Variants in GMDS observed in about 807,000 individuals in gnomAD.
The protein encoded by GMDS is GDP-mannose 4,6 dehydratase.
GMDS carries 20 observed loss-of-function variants against 49.9 expected under a neutral mutation model. The observed-to-expected ratio is 0.40, with a 90% CI of 0.28 to 0.58. The LOEUF (loss-of-function observed/expected upper bound fraction) is 0.58, where lower values mean the gene tolerates loss of function less well. Among genes scored for constraint, GMDS ranks in the 20% least tolerant of loss-of-function variants. The pLI, the probability that GMDS is intolerant of heterozygous loss-of-function variation, is 0.42. For missense variants in GMDS, 362 were observed against 481.4 expected, an observed-to-expected ratio of 0.75 and a Z score of 2.32; for synonymous variants, 177 against 178.6, an observed-to-expected ratio of 0.99 and a Z score of 0.07.
chr6:1,649,805 A>T (rs990389835), intron 9 of GMDS, among the ~76,000 whole-genome samples: 4 of 152,334 alleles, frequency 2.6e-5, no homozygotes, highest in Admixed American at 1.3e-4. Flanking sequence ...CACTTCGAAG[A>T]CACCCCTTAG....
At chr6:2,127,724 G>A (rs982150719) in intron 1 of GMDS, among the ~76,000 whole-genome samples, 4 of 152,212 alleles carry the variant, frequency 2.6e-5, no homozygotes, top group African/African-American at 9.6e-5. Flanking sequence ...CCGCCCCCTC[G>A]TCCTTTCCCC....
chr6:1,645,120 G>A (rs1763447084), intron 9 of GMDS, among the ~76,000 whole-genome samples: 1 of 152,060 alleles, frequency 6.6e-6, no homozygotes. Flanking sequence ...ATTTTTAGTA[G>A]AGACGGCGTT....
chr6:2,135,886 C>T (rs1028309322), intron 1 of GMDS, among the ~76,000 whole-genome samples: 27 of 152,122 alleles, frequency 1.8e-4, no homozygotes, highest in Non-Finnish European at 2.4e-4. Flanking sequence ...CAAAATCCAA[C>T]GCAGTCAATG....
At chr6:2,173,743 G>T (rs1295507323) in intron 1 of GMDS, among the ~76,000 whole-genome samples, 5 of 152,160 alleles carry the variant, frequency 3.3e-5, no homozygotes, top group African/African-American at 1.2e-4. Flanking sequence ...TACTGCAGTG[G>T]TAGCTTTTAT....
intron 9 of GMDS, among the ~76,000 whole-genome samples, chr6:1,713,979 ACTGTACAC>A (rs1384436468): frequency 6.6e-6 from 1 of 152,242 alleles, no homozygotes; most frequent in Non-Finnish European, 1.5e-5. Context: ...AGAAGAAGAC[ACTGTACAC>A]CTTATTAGGA....
At position 1,700,776 on chromosome 6, in the gene GMDS, C is replaced by G. The variant is rs550741105; in HGVS notation, c.987+25640G>C. ...GCGCTGTCCCTCCTCGGGCCCAGCACTGGGACCTGAGGCTGAGCAGTCCAC... is the reference window on the plus strand; with the variant it reads ...GCGCTGTCCCTCCTCGGGCCCAGCAGTGGGACCTGAGGCTGAGCAGTCCAC... On this transcript the variant is annotated intron_variant, in intron 9 of 10. Coordinates refer to ENST00000380815, the MANE Select transcript of GMDS (RefSeq NM_001500.4). 2.6e-5 allele frequency among the ~76,000 whole-genome samples: 4 copies of G among 152,272 alleles called. No homozygotes were observed. The South Asian group carries it at 8.3e-4, about 32-fold the overall frequency.
intron 9 of GMDS, among the ~76,000 whole-genome samples, chr6:1,723,158 T>C (rs1461730431): frequency 6.6e-6 from 1 of 152,172 alleles, no homozygotes; most frequent in Admixed American, 6.5e-5. Context: ...ACTGGTGGCC[T>C]CTTTCAAGCT....
At position 2,000,688 on chromosome 6, in the gene GMDS, G is replaced by T. The variant is rs1305324723; in HGVS notation, c.346-39722C>A. Among the ~76,000 whole-genome samples, 5 of 152,078 alleles carry T rather than the reference G, an allele frequency of 3.3e-5. No homozygotes were observed. The East Asian group carries it at 9.7e-4, about 29-fold the overall frequency. ...TTTTAGTGGTTCTTTGAGAGACAGG[G>T]TCTCGCTCTTTTGCTCAGGTTGAAG... On this transcript the variant is annotated intron_variant, in intron 4 of 10. Transcript: ENST00000380815.
At chr6:1,673,824 A>C (rs1439233733) in intron 9 of GMDS, among the ~76,000 whole-genome samples, 1 of 151,976 alleles carries the variant, frequency 6.6e-6, no homozygotes, top group African/African-American at 2.4e-5. Context: ...TCTTTCATTT[A>C]GCGACATACA....
intron 4 of GMDS, among the ~76,000 whole-genome samples, chr6:2,067,572 A>G (rs1309210023): frequency 1.3e-5 from 2 of 152,122 alleles, no homozygotes; most frequent in Non-Finnish European, 2.9e-5. Flanking sequence ...ATAAAAAATG[A>G]TAAAGGGGAT....
At chr6:1,969,786 C>G (rs1405492510) in intron 4 of GMDS, among the ~76,000 whole-genome samples, 1 of 152,172 alleles carries the variant, frequency 6.6e-6, no homozygotes, top group Non-Finnish European at 1.5e-5. Context: ...CCCTGGCGTG[C>G]TTCACCTCGG....
At chr6:2,078,656 T>C (rs1472241228) in intron 4 of GMDS, among the ~76,000 whole-genome samples, 1 of 152,124 alleles carries the variant, frequency 6.6e-6, no homozygotes, top group Non-Finnish European at 1.5e-5. Flanking sequence ...TTTAAAAAAT[T>C]GTTGTTACCT....
At chr6:1,894,192 T>C (rs547947992) in intron 7 of GMDS, among the ~76,000 whole-genome samples, 1 of 152,350 alleles carries the variant, frequency 6.6e-6, no homozygotes, top group African/African-American at 2.4e-5. Context: ...TTGATCAATT[T>C]ATGAGCCTAA....
intron 4 of GMDS, among the ~76,000 whole-genome samples, chr6:2,018,633 T>C (rs1182629967): frequency 1.3e-5 from 2 of 152,212 alleles, no homozygotes; most frequent in Non-Finnish European, 2.9e-5. Flanking sequence ...CTTACCATAA[T>C]GTTTTCAAGG....
At chr6:2,218,859 T>A (rs1242924350) in intron 1 of GMDS, among the ~76,000 whole-genome samples, 2 of 152,184 alleles carry the variant, frequency 1.3e-5, no homozygotes, top group East Asian at 3.9e-4. Context: ...TTATTCAGGG[T>A]CACAAGGTTC....
At chr6:1,757,268 G>A (rs1412151341) in intron 7 of GMDS, among the ~76,000 whole-genome samples, 2 of 152,074 alleles carry the variant, frequency 1.3e-5, no homozygotes, top group Non-Finnish European at 2.9e-5. Flanking sequence ...CTAATCTAAC[G>A]AATGCTCTAA....
intron 4 of GMDS, among the ~76,000 whole-genome samples, chr6:2,061,396 C>T (rs938665244): frequency 2.0e-5 from 3 of 152,066 alleles, no homozygotes; most frequent in Non-Finnish European, 4.4e-5. Context: ...CCAAATCTAT[C>T]CTCAGGTGTA....
At chr6:2,201,944 G>A (rs1404500325) in intron 1 of GMDS, among the ~76,000 whole-genome samples, 2 of 133,442 alleles carry the variant, frequency 1.5e-5, no homozygotes, top group East Asian at 4.8e-4. Context: ...ATGGACATCC[G>A]AGATGAAACC....
At chr6:1,688,102 G>A (rs963899353) in intron 9 of GMDS, among the ~76,000 whole-genome samples, 1 of 152,180 alleles carries the variant, frequency 6.6e-6, no homozygotes, top group Non-Finnish European at 1.5e-5. Context: ...GGCTTGGGAG[G>A]CTGGTGAGAC....
Sources: allele counts gnomAD v4.1 joint callset (sites outside exome capture counted in the v4.1 genomes callset), GRCh38; gene constraint gnomAD v4.1.1; transcripts MANE v1.5; gene names NCBI Gene and HGNC (gene_info 2026-07-23, HGNC 2026-07-21).